The following NOTCH3 variants were observed in gnomAD, a reference collection of about 807,000 sequenced individuals.
The protein encoded by NOTCH3 is neurogenic locus notch homolog protein 3.
NOTCH3 carries 86 observed loss-of-function variants against 213.3 expected under a neutral mutation model. The ratio of observed to expected loss-of-function variants is 0.40; its 90% CI spans 0.34 to 0.48. The LOEUF is 0.48. Among genes scored for constraint, NOTCH3 ranks in the 20% least tolerant of loss-of-function variants. The probability of loss-of-function intolerance (pLI) is 0.57; values close to 1 mark genes in which losing one functional copy is unlikely to be tolerated. For synonymous variants in NOTCH3, 1,354 were observed against 1,355.9 expected, an observed-to-expected ratio of 1.00 and a Z score of 0.03; for missense variants, 2,783 against 3,272.6, an observed-to-expected ratio of 0.85 and a Z score of 3.65.
intron 32 of NOTCH3, 67 bp from the exon 33 acceptor site, chr19:15,161,781 T>C (rs2046646299): frequency 7.0e-7 from 1 of 1,419,956 alleles, no homozygotes; most frequent in East Asian, 2.3e-5. Context: ...TTCCAGCCTC[T>C]TGGGGGAGCC....
In NOTCH3 at chr19:15,167,515, A is replaced by G. The variant is rs377188675; in HGVS notation, c.5200-104T>C. 7.1e-5 allele frequency: 69 copies of G among 972,994 alleles called. No individual in the cohort carries two copies. In the African/African-American group the frequency reaches 1.1e-3, roughly 15 times the overall value. 60.3% of individuals were successfully genotyped at this position (972,994 alleles called of 1,614,324 possible). A position where few individuals can be genotyped will look rare whatever the true frequency, so the allele number is the denominator to read the frequency against. On this transcript the variant is annotated intron_variant, in intron 28 of 32. Transcript: ENST00000263388. ...ATTCCTACAGGTTTCTCTTTAGGAG[A>G]TACACACAGAGCCCTGGGAAATCAT... is the stretch of plus-strand genomic sequence containing the variant.
chr19:15,191,597 C>G lies in NOTCH3; in HGVS notation c.863G>C (p.Gly288Ala). The G allele has an allele frequency of 1.2e-6, 2 of 1,613,802 alleles. No homozygotes were observed. Among genetic ancestry groups the G allele is most frequent in the African/African-American group, 1.3e-5 (1 of 75,070 alleles). The change falls in exon 6 of 33, where the codon GGG (glycine) becomes GCG (alanine). Residue 288 changes from glycine (G) to alanine (A), a missense_variant. Gly to Ala is a moderately conservative substitution (Grantham distance 60, BLOSUM62 0). Coordinates refer to ENST00000263388, the MANE Select transcript of NOTCH3 (RefSeq NM_000435.3). ...CQLQPNACHN[G>A]GTCFNTLGGH... ...ACCCAGCGTGTTGAAGCAGGTACCC[C>G]CATTGTGGCAGGCGTTGGGCTGCAG...
intron 8 of NOTCH3, 110 bp downstream of exon 8, chr19:15,188,879 G>C (rs1380827616): frequency 1.9e-6 from 2 of 1,075,860 alleles, no homozygotes; most frequent in African/African-American, 1.6e-5. Context: ...AGTCTCTAAG[G>C]GTCCCACTCC....
In NOTCH3 at chr19:15,185,623, C is replaced by T. The variant is rs2145430423; in HGVS notation, c.2008G>A (p.Gly670Ser). Reference sequence around the variant, plus strand: ...CCATTTTCCCCATCCACACAGGAACCTCCCTCGCCGCATGGGCTGGAAGCA... The same window carrying T: ...CCATTTTCCCCATCCACACAGGAACTTCCCTCGCCGCATGGGCTGGAAGCA... Reference protein sequence around the residue: ...ECASSPCGEGGSCVDGENGFR... With the variant: ...ECASSPCGEGSSCVDGENGFR... Residue 670 changes from glycine (G) to serine (S), a missense_variant, in exon 13 of 33, where the codon GGT becomes AGT. Physicochemically the swap from Gly to Ser is moderately conservative, Grantham distance 56. This residue lies in a region of NOTCH3 where 861 missense variants were observed against 909.1 expected (regional missense o/e 0.95). Transcript: ENST00000263388. The surrounding 1 kb of genome is among the most constrained non-coding windows in gnomAD (Gnocchi z 4.2). The T allele has an allele frequency of 6.2e-7, 1 of 1,613,660 alleles. No homozygotes were observed.
intron 24 of NOTCH3, 102 bp downstream of exon 24, chr19:15,177,423 C>G (rs989678958): frequency 1.9e-6 from 2 of 1,070,046 alleles, no homozygotes; most frequent in Non-Finnish European, 2.8e-6. Flanking sequence ...GAGAAACAGA[C>G]GGGGCAAGTG....
At chr19:15,190,503 T>C (rs1275527382) in intron 6 of NOTCH3, among the ~76,000 whole-genome samples, 1 of 152,156 alleles carries the variant, frequency 6.6e-6, no homozygotes, top group Non-Finnish European at 1.5e-5. Flanking sequence ...CCCTGAGCCA[T>C]GCATCAGTGC....
Position 15,161,253 on chromosome 19 carries a change from C to A in NOTCH3, c.6375G>T (p.Gly2125=), listed in dbSNP as rs1314321449. Reference sequence around the variant, plus strand: ...CAGTGGCAGTGGCAGCTGCATAGGGCCCCTCAAGGGGGAAGCCACCAGGGG... The same window carrying A: ...CAGTGGCAGTGGCAGCTGCATAGGGACCCTCAAGGGGGAAGCCACCAGGGG... The part of the protein sequence containing the change: ...PASPGGFPLE[G]PYAAATATAV... The change falls in exon 33 of 33, where the codon GGG becomes GGT. Residue 2125 remains glycine (G), a synonymous_variant. Coordinates refer to ENST00000263388, the MANE Select transcript of NOTCH3 (RefSeq NM_000435.3). 1 of 1,547,556 alleles carries A rather than the reference C, an allele frequency of 6.5e-7. No individual in the cohort carries two copies. The highest frequency in any genetic ancestry group is 8.7e-7 in the Non-Finnish European group (1 of 1,150,890).
chr19:15,176,762 TAAAAAAAAAAA>T (rs61399527), intron 24 of NOTCH3, among the ~76,000 whole-genome samples: 1 of 55,628 alleles, frequency 1.8e-5, no homozygotes, highest in African/African-American at 9.1e-5. Context: ...GACCCTGTCT[TAAAAAAAAAAA>T]AAAAAAAAAA....
chr19:15,184,576 G>C, intron 15 of NOTCH3, 126 bp from the exon 16 acceptor site: 1 of 901,742 alleles, frequency 1.1e-6, no homozygotes. Flanking sequence ...GCTGTCATTC[G>C]TGTCTGGGCA....
intron 5 of NOTCH3, 34 bp from the exon 6 acceptor site, chr19:15,191,691 G>A (rs368313505): frequency 1.2e-5 from 19 of 1,613,320 alleles, no homozygotes; most frequent in Middle Eastern, 3.3e-4. Flanking sequence ...CCAGCCACCT[G>A]GCGCATGTCC....
intron 12 of NOTCH3, among the ~76,000 whole-genome samples, chr19:15,186,379 A>ATGTGTGTGTG (rs36233245): frequency 7.2e-6 from 1 of 138,470 alleles, no homozygotes; most frequent in Admixed American, 7.3e-5. Flanking sequence ...TTGTTTTTGT[A>ATGTGTGTGTG]TGTGTGTGTG....
rs757471 is a variant in NOTCH3, at chr19:15,162,236, C to G, written c.5913+229G>C. On this transcript the variant is annotated intron_variant, in intron 32 of 32. Transcript: ENST00000263388. ...AACTCAAGTAATCCACCCATCTCGA[C>G]CTCCCAAAGTGCTGGGATTATAGGC... is the stretch of plus-strand genomic sequence containing the variant. 3 of 538,840 alleles carry G rather than the reference C, an allele frequency of 5.6e-6. No homozygotes were observed. In the African/African-American group the frequency reaches 5.7e-5, roughly 10 times the overall value. 33.4% of individuals were successfully genotyped at this position (538,840 alleles called of 1,614,324 possible).
intron 27 of NOTCH3, 29 bp from the exon 28 acceptor site, chr19:15,170,199 A>G (rs773241581): frequency 1.3e-6 from 2 of 1,555,896 alleles, no homozygotes; most frequent in South Asian, 2.3e-5. Flanking sequence ...AGGGGATGTG[A>G]GGGGGACACT....
At chr19:15,196,184 C>A (rs967464546) in intron 2 of NOTCH3, among the ~76,000 whole-genome samples, 1 of 152,046 alleles carries the variant, frequency 6.6e-6, no homozygotes, top group African/African-American at 2.4e-5. Flanking sequence ...GGGCTCCGGG[C>A]GCCGCGCGCG....
At chr19:15,163,475 G>A (rs1300386316) in intron 31 of NOTCH3, among the ~76,000 whole-genome samples, 1 of 152,216 alleles carries the variant, frequency 6.6e-6, no homozygotes, top group Non-Finnish European at 1.5e-5. Flanking sequence ...ATTCTTAGAT[G>A]TGACACCAAA....
At position 15,170,112 on chromosome 19, in the gene NOTCH3, C is replaced by A; in HGVS notation, c.5173G>T (p.Glu1725Ter). 2 of 1,600,276 alleles carry A rather than the reference C, an allele frequency of 1.2e-6. No homozygotes were observed. Among genetic ancestry groups the A allele is most frequent in the Non-Finnish European group, 1.7e-6 (2 of 1,172,986 alleles). Reference protein sequence around the residue: ...GEVATDWMDTECPEAKRLKVE... With the variant: ...GEVATDWMDT ...TTTAGCCGCTTGGCCTCTGGGCACT[C>A]TGTGTCCATCCAGTCTGTGGCCACC... Residue 1725 changes from glutamate (E) to a stop codon, truncating the protein, a stop_gained, in exon 28 of 33, where the codon GAG becomes TAG. Transcript: ENST00000263388. LOFTEE classifies it high-confidence loss of function.
At position 15,200,948 on chromosome 19, in the gene NOTCH3, C is replaced by T. The variant is rs1344897664; in HGVS notation, c.-43G>A. On this transcript the variant is annotated 5_prime_UTR_variant, in exon 1 of 33. Coordinates refer to ENST00000263388, the MANE Select transcript of NOTCH3 (RefSeq NM_000435.3). ...CTCCCCTCCTCCCTCCTTCCCTGGG[C>T]TCCGGGCGCGTCCCGGGCCAGCCTC... 4 of 241,774 alleles carry T rather than the reference C, an allele frequency of 1.7e-5. No homozygotes were observed. Among genetic ancestry groups the T allele is most frequent in the Non-Finnish European group, 3.0e-5 (4 of 133,120 alleles). The allele number at this position is 241,774 out of a possible 1,614,324, so 15.0% of individuals were successfully genotyped here.
In NOTCH3 at chr19:15,174,290, G is replaced by C. The variant is rs1325931997; in HGVS notation, c.4514C>G (p.Pro1505Arg). 6.4e-7 allele frequency: 1 copy of C among 1,559,204 alleles called. No individual in the cohort carries two copies. Among genetic ancestry groups the C allele is most frequent in the Non-Finnish European group, 8.7e-7 (1 of 1,153,822 alleles). Reference sequence around the variant, plus strand: ...CAGCACGCCGCGGGCCAGCAGGGCCGGCACCTCGCTGGCACAATCCAGCCC... The same window carrying C: ...CAGCACGCCGCGGGCCAGCAGGGCCCGCACCTCGCTGGCACAATCCAGCCC... ...WDGLDCASEV[P>R]ALLARGVLVL... The change falls in exon 25 of 33, where the codon CCG (proline) becomes CGG (arginine). Residue 1505 changes from proline (P) to arginine (R), a missense_variant. This residue lies in a region of NOTCH3 where 636 missense variants were observed against 801.8 expected (regional missense o/e 0.79). Transcript: ENST00000263388.
At position 15,184,950 on chromosome 19, in the gene NOTCH3, G is replaced by A. The variant is rs1030813385; in HGVS notation, c.2366C>T (p.Ala789Val). ...GGAGCAGACAGGCAGCTGGCCAGGG[G>A]CAGACTCGCAGCGGCCCCCATGCTC... ...PCEHGGRCES[A>V]PGQLPVCSCP... The change falls in exon 15 of 33, where the codon GCC (alanine) becomes GTC (valine). Residue 789 changes from alanine to valine, a missense_variant. Ala to Val is a moderately conservative substitution (Grantham distance 64). Transcript: ENST00000263388. 14 of 1,549,134 alleles carry A rather than the reference G, an allele frequency of 9.0e-6. No homozygotes were observed. The South Asian group carries it at 1.6e-4, about 17-fold the overall frequency.
Sources: gnomAD v4.1 joint callset for allele counts (sites outside exome capture counted in the v4.1 genomes callset) on GRCh38, gnomAD v4.1.1 for gene constraint, gnomAD v4.1.1 regional missense constraint, Gnocchi (gnomAD v3.1) non-coding constraint, MANE v1.5 for transcripts, NCBI Gene and HGNC (gene_info 2026-07-23, HGNC 2026-07-21) for gene names.